GPHN: variants seen among roughly 807,000 people sequenced by gnomAD.
GPHN encodes gephyrin.
Under a neutral mutation model 95.5 loss-of-function variants are expected in GPHN, and 17 were observed. The observed-to-expected ratio is 0.18, with a 90% CI of 0.12 to 0.27. GPHN has a LOEUF of 0.27. Among genes scored for constraint, GPHN ranks in the 10% least tolerant of loss-of-function variants. The pLI, the probability that GPHN is intolerant of heterozygous loss-of-function variation, is 1.00. For synonymous variants in GPHN, 320 were observed against 322.5 expected, an observed-to-expected ratio of 0.99 and a Z score of 0.08; for missense variants, 660 against 978.1, an observed-to-expected ratio of 0.67 and a Z score of 4.34.
the GPHN span, chr14:67,227,439 CAAAAAAAAAA>C: frequency 2.4e-5 from 2 of 83,656 alleles, no homozygotes; most frequent in African/African-American, 7.5e-5. Flanking sequence ...GATGCTGTCT[CAAAAAAAAAA>C]AAAAAAGAAA....
chr14:67,054,803 A>G (rs997670714), intron 10 of GPHN, among the ~76,000 whole-genome samples: 3 of 152,238 alleles, frequency 2.0e-5, no homozygotes, highest in African/African-American at 7.2e-5. Context: ...CTGCACATCT[A>G]CAGCCATGTG....
At chr14:66,530,081 C>T (rs766898318) in intron 1 of GPHN, among the ~76,000 whole-genome samples, 95 of 152,234 alleles carry the variant, frequency 6.2e-4, no homozygotes, top group Non-Finnish European at 3.5e-4. Flanking sequence ...TGTCCCAGGG[C>T]GATGGAGGTT....
chr14:66,708,671 AGATTTGCTTG>A (rs1198769855), intron 2 of GPHN, among the ~76,000 whole-genome samples: 1 of 152,170 alleles, frequency 6.6e-6, no homozygotes, highest in Non-Finnish European at 1.5e-5. Flanking sequence ...AGAGATTGCC[AGATTTGCTTG>A]GATTTGCCAG....
At chr14:67,708,942 G>A in the GPHN span, among the ~76,000 whole-genome samples, 12 of 151,800 alleles carry the variant, frequency 7.9e-5, no homozygotes, top group African/African-American at 1.9e-4. Context: ...ACAGGCATGC[G>A]CCACCACACC....
At chr14:67,276,776 A>G in the GPHN span, among the ~76,000 whole-genome samples, 1 of 152,206 alleles carries the variant, frequency 6.6e-6, no homozygotes, top group African/African-American at 2.4e-5. Flanking sequence ...ATCCAGATAT[A>G]CAAGTATGAT....
chr14:67,393,893 A>C, the GPHN span, among the ~76,000 whole-genome samples: 1 of 152,178 alleles, frequency 6.6e-6, no homozygotes, highest in Non-Finnish European at 1.5e-5. Context: ...ACATTTTCCC[A>C]AAAAAGCTTG....
chr14:67,326,476 T>C, the GPHN span, among the ~76,000 whole-genome samples: 1 of 152,110 alleles, frequency 6.6e-6, no homozygotes, highest in African/African-American at 2.4e-5. Context: ...TTCTTTTACT[T>C]TGCTGAAGTA....
chr14:66,537,565 A>AATT (rs1280885362), intron 1 of GPHN, among the ~76,000 whole-genome samples: 18 of 152,114 alleles, frequency 1.2e-4, no homozygotes, highest in Non-Finnish European at 2.4e-4. Context: ...ATTTCAATAT[A>AATT]TGATACAAAC....
chr14:66,837,501 GAGTT>G (rs2061889270), intron 4 of GPHN, among the ~76,000 whole-genome samples: 1 of 148,554 alleles, frequency 6.7e-6, no homozygotes, highest in African/African-American at 2.5e-5. Context: ...GCTAGATGAC[GAGTT>G]AGTGGGTGCA....
intron 4 of GPHN, among the ~76,000 whole-genome samples, chr14:66,827,491 G>A (rs915553110): frequency 6.6e-6 from 1 of 152,116 alleles, no homozygotes; most frequent in Admixed American, 6.5e-5. Context: ...TCTATAAAGC[G>A]AGGGAAATAA....
chr14:66,672,780 T>G (rs2066368272), intron 1 of GPHN, among the ~76,000 whole-genome samples: 1 of 152,236 alleles, frequency 6.6e-6, no homozygotes, highest in Admixed American at 6.5e-5. Flanking sequence ...CCTTTCACTT[T>G]TATCTGTAAG....
intron 11 of GPHN, among the ~76,000 whole-genome samples, chr14:67,068,242 G>T (rs1163065749): frequency 3.9e-5 from 6 of 152,194 alleles, no homozygotes. Flanking sequence ...CAAGTGCCTA[G>T]ACGTGTTTGC....
chr14:67,123,173 T>G (rs2079107044), intron 17 of GPHN, among the ~76,000 whole-genome samples: 2 of 152,208 alleles, frequency 1.3e-5, no homozygotes, highest in African/African-American at 4.8e-5. Flanking sequence ...TCATGATGTA[T>G]CTATCACCCA....
At chr14:66,849,733 G>A (rs547898798) in intron 4 of GPHN, among the ~76,000 whole-genome samples, 58 of 151,998 alleles carry the variant, frequency 3.8e-4, no homozygotes, top group African/African-American at 1.3e-3. Context: ...GTTTTGTTTT[G>A]TTTTTGGCTC....
chr14:67,560,308 G>A, the GPHN span, among the ~76,000 whole-genome samples: 1 of 152,090 alleles, frequency 6.6e-6, no homozygotes, highest in Non-Finnish European at 1.5e-5. Flanking sequence ...ATTAAAGGAG[G>A]GAACCACCGT....
At chr14:67,505,352 C>A in the GPHN span, among the ~76,000 whole-genome samples, 1 of 152,202 alleles carries the variant, frequency 6.6e-6, no homozygotes, top group Non-Finnish European at 1.5e-5. Context: ...ACTCAGGAAA[C>A]TTGATGTCTG....
At chr14:67,305,454 G>A in the GPHN span, among the ~76,000 whole-genome samples, 1 of 152,002 alleles carries the variant, frequency 6.6e-6, no homozygotes, top group Non-Finnish European at 1.5e-5. Context: ...TAATTTTTTT[G>A]TACTTTTGGT....
At chr14:67,089,150 T>G (rs1270715754) in intron 12 of GPHN, 75 bp downstream of exon 12, 3 of 524,796 alleles carry the variant, frequency 5.7e-6, no homozygotes, top group African/African-American at 2.0e-5. Flanking sequence ...TTTTTTTTTT[T>G]TTTTTTTTCA....
chr14:66,980,904 G>A (rs1266760480), intron 9 of GPHN, among the ~76,000 whole-genome samples: 2 of 152,080 alleles, frequency 1.3e-5, no homozygotes, highest in East Asian at 3.9e-4. Context: ...CACAAAATTA[G>A]CTGGGTGTGT....
Sources: allele counts gnomAD v4.1 joint callset (sites outside exome capture counted in the v4.1 genomes callset), GRCh38; gene constraint gnomAD v4.1.1; transcripts MANE v1.5; gene names NCBI Gene and HGNC (gene_info 2026-07-23, HGNC 2026-07-21).